The following NCKAP5 variants were observed in gnomAD, a reference collection of about 807,000 sequenced individuals.
The protein encoded by NCKAP5 is nck-associated protein 5.
A neutral mutation model predicts 167.0 loss-of-function variants in NCKAP5; 92 were observed. That is an observed-to-expected ratio of 0.55 (90% confidence interval 0.47 to 0.66). NCKAP5 has a LOEUF of 0.66. Ranked by LOEUF, NCKAP5 falls within the 30% of genes least tolerant of loss-of-function variation. NCKAP5 has a pLI of 0.00. For synonymous variants in NCKAP5, 891 were observed against 877.4 expected (o/e 1.02, Z -0.27); for missense variants, 2,378 against 2,315.0 (o/e 1.03, Z -0.56).
At chr2:132,792,994 C>CTGTTT (rs570903207) in intron 12 of NCKAP5, among the ~76,000 whole-genome samples, 20 of 152,004 alleles carry the variant, frequency 1.3e-4, no homozygotes, top group Middle Eastern at 3.4e-3. Context: ...TTGAGATGCT[C>CTGTTT]TGTTTTGTTT....
intron 3 of NCKAP5, among the ~76,000 whole-genome samples, chr2:133,310,293 G>A (rs1187346468): frequency 6.6e-6 from 1 of 152,170 alleles, no homozygotes; most frequent in Non-Finnish European, 1.5e-5. Context: ...CAATTTAGGA[G>A]TCCCAGCTTG....
chr2:132,816,026 T>C (rs1227024169), intron 11 of NCKAP5, among the ~76,000 whole-genome samples: 1 of 152,152 alleles, frequency 6.6e-6, no homozygotes, highest in Non-Finnish European at 1.5e-5. Context: ...GTTTAAATCC[T>C]GGCTTTGTGT....
At chr2:132,892,067 G>A (rs1692753574) in intron 8 of NCKAP5, among the ~76,000 whole-genome samples, 1 of 152,172 alleles carries the variant, frequency 6.6e-6, no homozygotes, top group Non-Finnish European at 1.5e-5. Flanking sequence ...AATGCAGGGG[G>A]TGGTGGTGTC....
intron 6 of NCKAP5, among the ~76,000 whole-genome samples, chr2:133,125,721 T>C (rs1041187460): frequency 3.3e-5 from 5 of 152,228 alleles, no homozygotes; most frequent in Non-Finnish European, 2.9e-5. Flanking sequence ...CCTTTCTTTA[T>C]CCATATTTAC....
At chr2:133,452,192 T>C (rs1691589658) in intron 3 of NCKAP5, among the ~76,000 whole-genome samples, 1 of 152,152 alleles carries the variant, frequency 6.6e-6, no homozygotes, top group Non-Finnish European at 1.5e-5. Flanking sequence ...CTCCTCTCCT[T>C]GAGAGAAATG....
chr2:133,393,753 T>G (rs1440819690), intron 3 of NCKAP5, among the ~76,000 whole-genome samples: 2 of 152,190 alleles, frequency 1.3e-5, no homozygotes, highest in Non-Finnish European at 2.9e-5. Flanking sequence ...GGGAGTCCTT[T>G]TGTTCTCTAA....
chr2:132,938,677 C>G (rs55706372), intron 8 of NCKAP5, among the ~76,000 whole-genome samples: 1 of 152,142 alleles, frequency 6.6e-6, no homozygotes, highest in Admixed American at 6.5e-5. Context: ...TCCTATGGAT[C>G]CCCCTCAGCT....
intron 6 of NCKAP5, among the ~76,000 whole-genome samples, chr2:133,008,743 G>A (rs1573722870): frequency 6.6e-6 from 1 of 151,792 alleles, no homozygotes; most frequent in East Asian, 1.9e-4. Flanking sequence ...AAAACTGGGG[G>A]AAAAAAAGTC....
At chr2:133,404,385 C>T (rs933957438) in intron 3 of NCKAP5, among the ~76,000 whole-genome samples, 5 of 152,150 alleles carry the variant, frequency 3.3e-5, no homozygotes, top group East Asian at 1.9e-4. Flanking sequence ...CAGACAGTAC[C>T]GAGCCCTATA....
intron 8 of NCKAP5, among the ~76,000 whole-genome samples, chr2:132,933,541 T>A (rs1365562512): frequency 6.6e-6 from 1 of 152,236 alleles, no homozygotes; most frequent in Non-Finnish European, 1.5e-5. Flanking sequence ...TCTCACGGAT[T>A]GTTGATAACT....
chr2:132,773,690 C>T, intron 16 of NCKAP5, 126 bp downstream of exon 16: 1 of 743,206 alleles, frequency 1.3e-6, no homozygotes, highest in Non-Finnish European at 2.2e-6. Flanking sequence ...TAATGGCAAC[C>T]ATGTGTGAAT....
At chr2:132,700,248 C>A (rs532164009) in intron 19 of NCKAP5, among the ~76,000 whole-genome samples, 1 of 149,276 alleles carries the variant, frequency 6.7e-6, no homozygotes, top group Non-Finnish European at 1.5e-5. Flanking sequence ...GGGTAGATTA[C>A]AAAAATTTTC....
At chr2:133,386,134 A>C (rs115335492) in intron 3 of NCKAP5, among the ~76,000 whole-genome samples, 1 of 151,994 alleles carries the variant, frequency 6.6e-6, no homozygotes, top group South Asian at 2.1e-4. Context: ...TTTTAATTGC[A>C]ATGTTAGGGT....
intron 6 of NCKAP5, among the ~76,000 whole-genome samples, chr2:133,067,591 C>T (rs1331192954): frequency 6.6e-6 from 1 of 152,174 alleles, no homozygotes; most frequent in Non-Finnish European, 1.5e-5. Flanking sequence ...CCAGGGGATA[C>T]TCCAAGTCAA....
rs200708401 is a variant in NCKAP5 at position 132,860,446 on chromosome 2, C to G, written c.807+46G>C. ...CTTCTGAACTTAAGTAACTTCCTGT[C>G]AATAGCATTTCAGTAGCAAAGATTG... is the stretch of plus-strand genomic sequence containing the variant. On this transcript the variant is annotated intron_variant, in intron 11 of 19. Transcript: ENST00000409261. 3 of 1,546,886 alleles carry G rather than the reference C, an allele frequency of 1.9e-6. No homozygotes were observed. The South Asian group carries it at 3.6e-5, about 19-fold the overall frequency.
chr2:132,794,307 G>GAGAGAGT (rs1553443904), intron 12 of NCKAP5, among the ~76,000 whole-genome samples: 89 of 101,136 alleles, frequency 8.8e-4, no homozygotes, highest in Middle Eastern at 5.4e-3. Flanking sequence ...GAGAGAGAGA[G>GAGAGAGT]GGTGGCGGGA....
chr2:133,606,745 GAAA>G, the NCKAP5 span, among the ~76,000 whole-genome samples: 15 of 120,674 alleles, frequency 1.2e-4, no homozygotes, highest in Admixed American at 8.6e-5. Context: ...GGAGTTCAGG[GAAA>G]AAAAAAAAAA....
Position 132,684,855 on chromosome 2 carries a change from A to C in NCKAP5, c.5714-11550T>G, listed in dbSNP as rs546151890. Among the ~76,000 whole-genome samples the C allele has an allele frequency of 3.3e-5, 5 of 152,252 alleles. No homozygotes were observed. In the East Asian group the frequency reaches 7.7e-4, roughly 24 times the overall value. On this transcript the variant is annotated intron_variant, in intron 19 of 19. Coordinates refer to ENST00000409261, the MANE Select transcript of NCKAP5 (RefSeq NM_207363.3). The stretch of plus-strand genomic sequence containing the variant: ...AGGGCACTGCTTGAATAGAAGCTAA[A>C]AAAAAGTTCTTCCAATCTCATTAGC...
rs201173101 is a variant in NCKAP5 at position 133,002,162 on chromosome 2, A to T, written c.342-7923T>A. 1.8e-4 allele frequency among the ~76,000 whole-genome samples: 27 copies of T among 152,294 alleles called. No homozygotes were observed. The East Asian group carries it at 5.0e-3, about 28-fold the overall frequency. ...CAATCTTTTCTCCCAATCAGATCAA[A>T]ATTCTTCTAGATCCAGGCTTTATGC... is the stretch of plus-strand genomic sequence containing the variant. On this transcript the variant is annotated intron_variant, in intron 6 of 19. Coordinates refer to ENST00000409261, the MANE Select transcript of NCKAP5 (RefSeq NM_207363.3).
Sources: gnomAD v4.1 joint callset for allele counts (sites outside exome capture counted in the v4.1 genomes callset) on GRCh38, gnomAD v4.1.1 for gene constraint, MANE v1.5 for transcripts, NCBI Gene and HGNC (gene_info 2026-07-23, HGNC 2026-07-21) for gene names.